Variants in EIF2D observed in about 807,000 individuals in gnomAD.
EIF2D encodes hepatocellular carcinoma-associated antigen 56.
EIF2D carries 56 observed loss-of-function variants against 77.4 expected under a neutral mutation model. That is an observed-to-expected ratio of 0.72 (90% CI 0.58 to 0.90). EIF2D has a LOEUF of 0.90. Ranked by LOEUF, EIF2D falls within the 40% of genes least tolerant of loss-of-function variation. The probability of loss-of-function intolerance (pLI) is 0.00; values close to 1 mark genes in which losing one functional copy is unlikely to be tolerated. For missense variants in EIF2D, 574 were observed against 706.5 expected, an observed-to-expected ratio of 0.81 and a Z score of 2.13; for synonymous variants, 230 against 271.0, an observed-to-expected ratio of 0.85 and a Z score of 1.49.
At chr1:206,595,428 A>C (rs1669598094) in intron 13 of EIF2D, 1 of 200,652 alleles carries the variant, frequency 5.0e-6, no homozygotes, top group African/African-American at 2.3e-5. Context: ...TGGGAGCTGA[A>C]TGTCCATAAC....
chr1:206,605,834 T>A (rs1242560782), intron 4 of EIF2D, among the ~76,000 whole-genome samples: 3 of 152,228 alleles, frequency 2.0e-5, no homozygotes, highest in Non-Finnish European at 2.9e-5. Context: ...TTCCCTTTCA[T>A]TAATTTCAAA....
chr1:206,570,747 G>A (rs1668425556), downstream of EIF2D, among the ~76,000 whole-genome samples: 1 of 152,026 alleles, frequency 6.6e-6, no homozygotes, highest in Admixed American at 6.6e-5. Flanking sequence ...CCCTTTCAAG[G>A]CTGAATGAGA....
chr1:206,602,780 G>T (rs781901190), intron 6 of EIF2D, 171 bp downstream of exon 6: 3 of 978,082 alleles, frequency 3.1e-6, no homozygotes, highest in Non-Finnish European at 4.5e-6. Flanking sequence ...ATGTGGAAAG[G>T]ATTCAAAAAC....
chr1:206,599,559 T>C lies in EIF2D; in HGVS notation c.1106A>G (p.Glu369Gly). 5 of 1,608,694 alleles carry C rather than the reference T, an allele frequency of 3.1e-6. No individual in the cohort carries two copies. The highest frequency in any genetic ancestry group is 4.2e-6 in the Non-Finnish European group (5 of 1,177,390). The change falls in exon 10 of 15, where the codon GAG becomes GGG. Residue 369 changes from glutamate (E) to glycine (G), a missense_variant. Physicochemically the swap from Glu to Gly is moderately conservative, Grantham distance 98. Coordinates refer to ENST00000271764, the MANE Select transcript of EIF2D (RefSeq NM_006893.3). The surrounding 1 kb of genome is among the most constrained non-coding windows in gnomAD (Gnocchi z 4.1). The part of the protein sequence containing the change: ...EPSPTSQTIQ[E>G]GSREQPYHPP... Reference sequence around the variant, plus strand: ...GTGATAGGGCTGTTCCCTGCTACCCTCCTGGATAGTCTGGGAGGTCGGGGA... The same window carrying C: ...GTGATAGGGCTGTTCCCTGCTACCCCCCTGGATAGTCTGGGAGGTCGGGGA...
At chr1:206,609,609 G>A in intron 2 of EIF2D, 150 bp from the exon 3 acceptor site, 1 of 578,294 alleles carries the variant, frequency 1.7e-6, no homozygotes, top group South Asian at 3.3e-5. Context: ...GATGCCCAGA[G>A]AGGTTTCATT....
chr1:206,600,884 G>A (rs933989506), intron 7 of EIF2D: 5 of 152,468 alleles, frequency 3.3e-5, no homozygotes, highest in African/African-American at 1.2e-4. Flanking sequence ...AGTTGCAACA[G>A]AGATGGTGTG....
intron 13 of EIF2D, 125 bp downstream of exon 13, chr1:206,595,593 G>A (rs782187825): frequency 9.9e-5 from 123 of 1,242,862 alleles, no homozygotes; most frequent in Middle Eastern, 2.8e-4. Context: ...AAACACGGGT[G>A]TTTCATAAAA....
intron 2 of EIF2D, among the ~76,000 whole-genome samples, chr1:206,581,335 C>T (rs1432026915): frequency 6.6e-6 from 1 of 152,164 alleles, no homozygotes; most frequent in African/African-American, 2.4e-5. Flanking sequence ...CGGTGGCTCA[C>T]ACCTGTAATG....
chr1:206,569,249 T>A (rs189923597), downstream of EIF2D, among the ~76,000 whole-genome samples: 140 of 152,270 alleles, frequency 9.2e-4, no homozygotes, highest in Middle Eastern at 6.8e-3. Flanking sequence ...CCCATACACA[T>A]CCTAAGGTTA....
chr1:206,602,092 C>T (rs549447828), intron 7 of EIF2D: 21 of 444,858 alleles, frequency 4.7e-5, no homozygotes, highest in Middle Eastern at 5.9e-4. Context: ...GGAATTTTAA[C>T]TTTCCGGTCC....
intron 1 of EIF2D, among the ~76,000 whole-genome samples, chr1:206,611,657 C>A (rs1308181488): frequency 6.6e-6 from 1 of 152,228 alleles, no homozygotes; most frequent in African/African-American, 2.4e-5. Flanking sequence ...AACAGCCCTG[C>A]CTTCCTGACT....
At chr1:206,583,187 A>G in intron 2 of EIF2D, 1 of 881,414 alleles carries the variant, frequency 1.1e-6, no homozygotes. Context: ...TTGGTTAGAG[A>G]GGCTTTGGGG....
intron 11 of EIF2D, 110 bp from the exon 12 acceptor site, chr1:206,597,305 A>ATCAATT: frequency 1.3e-6 from 1 of 746,810 alleles, no homozygotes; most frequent in Non-Finnish European, 2.2e-6. Context: ...CAGGATATGA[A>ATCAATT]TCAATTATGG....
At chr1:206,573,351 T>C (rs1668519340) in intron 4 of EIF2D, among the ~76,000 whole-genome samples, 2 of 152,194 alleles carry the variant, frequency 1.3e-5, no homozygotes, top group South Asian at 2.1e-4. Context: ...CTCAAGACCA[T>C]GTAGTGAGTA....
Position 206,584,469 on chromosome 1 carries a change from C to G in EIF2D, c.139-3307G>C. On this transcript the variant is annotated intron_variant and NMD_transcript_variant, in intron 2 of 5. Transcript: ENST00000472709. The surrounding 1 kb of genome is among the most constrained non-coding windows in gnomAD (Gnocchi z 4.9). ...GTGACGGTGCCTGCTGGGATCCGGCCCCAGTCCATCTATGATGCCATCAAG... is the reference window on the plus strand; with the variant it reads ...GTGACGGTGCCTGCTGGGATCCGGCGCCAGTCCATCTATGATGCCATCAAG... The G allele has an allele frequency of 1.2e-6, 2 of 1,614,110 alleles. No individual in the cohort carries two copies. The highest frequency in any genetic ancestry group is 1.7e-6 in the Non-Finnish European group (2 of 1,180,008).
chr1:206,589,166 T>C (rs1281962906), downstream of EIF2D: 2 of 152,678 alleles, frequency 1.3e-5, no homozygotes, highest in Non-Finnish European at 2.9e-5. Flanking sequence ...AGTGCCTTCT[T>C]TGGTTGTGTT....
chr1:206,612,458 C>T lies in EIF2D; in HGVS notation c.-116G>A. 3.0e-6 allele frequency: 4 copies of T among 1,355,116 alleles called. No homozygotes were observed. The highest frequency in any genetic ancestry group is 4.2e-6 in the Non-Finnish European group (4 of 959,466). 83.9% of individuals were successfully genotyped at this position (1,355,116 alleles called of 1,614,324 possible). On this transcript the variant is annotated 5_prime_UTR_variant, in exon 1 of 15. Transcript: ENST00000271764. Reference sequence around the variant, plus strand: ...GGGCAGCCATGCTGGGGCCCGGCCGCGAAAAGGGCCCGGCTGGAAACCAGG... The same window carrying T: ...GGGCAGCCATGCTGGGGCCCGGCCGTGAAAAGGGCCCGGCTGGAAACCAGG...
At chr1:206,612,194 G>T in intron 1 of EIF2D, 93 bp downstream of exon 1, 1 of 1,562,020 alleles carries the variant, frequency 6.4e-7, no homozygotes, top group Non-Finnish European at 8.8e-7. Context: ...TCCACCCGAG[G>T]ATGTCGGCCA....
chr1:206,581,826 G>A (rs568137394), intron 2 of EIF2D, among the ~76,000 whole-genome samples: 7 of 152,056 alleles, frequency 4.6e-5, no homozygotes, highest in Non-Finnish European at 7.4e-5. Context: ...TCAGGGTGGC[G>A]TGTCTCCCAC....
Sources: gnomAD v4.1 joint callset for allele counts (sites outside exome capture counted in the v4.1 genomes callset) on GRCh38, gnomAD v4.1.1 for gene constraint, Gnocchi (gnomAD v3.1) non-coding constraint, MANE v1.5 for transcripts, NCBI Gene and HGNC (gene_info 2026-07-23, HGNC 2026-07-21) for gene names.